Variants in MDGA2 observed in about 807,000 individuals in gnomAD.
The protein encoded by MDGA2 is MAM domain-containing glycosylphosphatidylinositol anchor protein 2.
MDGA2 carries 40 observed loss-of-function variants against 117.8 expected under a neutral mutation model. That is an observed-to-expected ratio of 0.34 (90% CI 0.26 to 0.44). MDGA2 has a LOEUF of 0.44. MDGA2 is among the 20% of genes least tolerant of loss of function. The pLI, the probability that MDGA2 is intolerant of heterozygous loss-of-function variation, is 1.00. For missense variants in MDGA2, 1,123 were observed against 1,250.6 expected (o/e 0.90, Z 1.54); for synonymous variants, 452 against 439.0 (o/e 1.03, Z -0.37).
rs573750047 is a variant in MDGA2, at chr14:47,665,894, C to A, written c.280+8623G>T. On this transcript the variant is annotated intron_variant, in intron 1 of 16. Coordinates refer to ENST00000399232, the MANE Select transcript of MDGA2 (RefSeq NM_001113498.3). ...TCAGCCTCCCTGAGGAGCGCGGCCC[C>A]CTGCTCCATGGTGCCCAGTCCCATC... Among the ~76,000 whole-genome samples, 39 of 149,332 alleles carry A rather than the reference C, an allele frequency of 2.6e-4. 1 individual carries two copies. The South Asian group carries it at 8.1e-3, about 31-fold the overall frequency.
At position 46,855,870 on chromosome 14, in the gene MDGA2, G is replaced by GT. The variant is rs1048482090; in HGVS notation, c.2753-717dup. Among the ~76,000 whole-genome samples, 11 of 151,900 alleles carry GT rather than the reference G, an allele frequency of 7.2e-5. No homozygotes were observed. Among genetic ancestry groups the GT allele is most frequent in the African/African-American group, 2.7e-4 (11 of 41,376 alleles). On this transcript the variant is annotated intron_variant, in intron 14 of 16. Coordinates refer to ENST00000399232, the MANE Select transcript of MDGA2 (RefSeq NM_001113498.3). The surrounding 1 kb of genome is among the most constrained non-coding windows in gnomAD (Gnocchi z 4.1). ...TATCATTTAGCATCTTATTTTTTCAGTTTGATTTTTACCTGTCTCATTTTT... is the reference window on the plus strand; with the variant it reads ...TATCATTTAGCATCTTATTTTTTCAGTTTTGATTTTTACCTGTCTCATTTTT...
At chr14:46,925,644 A>G (rs1293689788) in intron 9 of MDGA2, among the ~76,000 whole-genome samples, 1 of 151,458 alleles carries the variant, frequency 6.6e-6, no homozygotes, top group Non-Finnish European at 1.5e-5. Context: ...AAAAAAAAAA[A>G]AAAAAAAAGG....
At chr14:47,343,419 T>C (rs184034565) in intron 1 of MDGA2, among the ~76,000 whole-genome samples, 1 of 152,300 alleles carries the variant, frequency 6.6e-6, no homozygotes, top group Admixed American at 6.5e-5. Context: ...TTGTGTTCTT[T>C]GTATCATGTC....
intron 2 of MDGA2, among the ~76,000 whole-genome samples, chr14:47,265,741 T>C (rs1229308820): frequency 6.6e-6 from 1 of 152,100 alleles, no homozygotes; most frequent in East Asian, 1.9e-4. Flanking sequence ...AACTCCACTG[T>C]AAGGAGTGGT....
At chr14:47,246,532 G>C (rs532545453) in intron 2 of MDGA2, among the ~76,000 whole-genome samples, 3 of 151,684 alleles carry the variant, frequency 2.0e-5, no homozygotes, top group South Asian at 4.2e-4. Flanking sequence ...ACTACTGACA[G>C]GTATAGGAGG....
chr14:47,360,354 AAAATAAATAAATAAAT>A (rs60754618), intron 1 of MDGA2, among the ~76,000 whole-genome samples: 3,013 of 139,998 alleles, frequency 0.022, 100 homozygotes, highest in African/African-American at 0.074. Context: ...TCCATCTCAA[AAAATAAATAAATAAAT>A]AAATAAATAA....
At chr14:47,246,692 AT>A in intron 2 of MDGA2, among the ~76,000 whole-genome samples, 1 of 151,632 alleles carries the variant, frequency 6.6e-6, no homozygotes, top group East Asian at 1.9e-4. Flanking sequence ...TCCTCCCTTT[AT>A]TTTTTAAATA....
At chr14:47,562,116 G>T (rs1367564577) in intron 1 of MDGA2, among the ~76,000 whole-genome samples, 2 of 152,126 alleles carry the variant, frequency 1.3e-5, no homozygotes, top group East Asian at 3.9e-4. Flanking sequence ...ATGTGTTGCT[G>T]GATTCAGTTT....
intron 1 of MDGA2, among the ~76,000 whole-genome samples, chr14:47,488,931 T>C (rs1894113015): frequency 6.6e-6 from 1 of 152,008 alleles, no homozygotes; most frequent in South Asian, 2.1e-4. Context: ...AAGACAAAGT[T>C]ATGATCTGAT....
intron 8 of MDGA2, among the ~76,000 whole-genome samples, chr14:47,008,456 A>C (rs915936266): frequency 6.6e-6 from 1 of 151,926 alleles, no homozygotes; most frequent in Non-Finnish European, 1.5e-5. Context: ...TTGCTAAATA[A>C]GCTGCAATTT....
intron 1 of MDGA2, among the ~76,000 whole-genome samples, chr14:47,615,064 A>T (rs181327825): frequency 3.1e-4 from 47 of 152,166 alleles, no homozygotes; most frequent in Non-Finnish European, 4.0e-4. Flanking sequence ...TATTTAATTT[A>T]AAAAAATCCT....
At chr14:47,634,716 T>C (rs555424856) in intron 1 of MDGA2, among the ~76,000 whole-genome samples, 2 of 152,250 alleles carry the variant, frequency 1.3e-5, no homozygotes, top group South Asian at 2.1e-4. Context: ...TCTGACTTCA[T>C]GAGTTCTTGA....
At chr14:47,653,316 A>G (rs1308472584) in intron 1 of MDGA2, among the ~76,000 whole-genome samples, 2 of 152,122 alleles carry the variant, frequency 1.3e-5, no homozygotes, top group African/African-American at 2.4e-5. Context: ...GCTGAGATCT[A>G]TGGCTGAGAT....
chr14:47,137,370 G>A (rs1377898966), intron 4 of MDGA2, among the ~76,000 whole-genome samples: 1 of 152,112 alleles, frequency 6.6e-6, no homozygotes, highest in Non-Finnish European at 1.5e-5. Flanking sequence ...AATGTTGGAG[G>A]TAGGGCCTAA....
intron 2 of MDGA2, among the ~76,000 whole-genome samples, chr14:47,221,687 CAAA>C (rs36059038): frequency 1.6e-5 from 2 of 124,182 alleles, no homozygotes; most frequent in Non-Finnish European, 1.6e-5. Flanking sequence ...GACTCTATCT[CAAA>C]AAAAAAAAAA....
chr14:47,016,529 A>C (rs2138561584), intron 8 of MDGA2, among the ~76,000 whole-genome samples: 1 of 152,204 alleles, frequency 6.6e-6, no homozygotes, highest in Middle Eastern at 3.4e-3. Context: ...CACTTAAAAA[A>C]TAAATGCACT....
At chr14:46,927,903 C>T (rs897514519) in intron 9 of MDGA2, among the ~76,000 whole-genome samples, 3 of 152,154 alleles carry the variant, frequency 2.0e-5, no homozygotes, top group African/African-American at 4.8e-5. Flanking sequence ...CTTCAGCACT[C>T]AAGAGCTTCC....
At chr14:47,062,499 C>CT (rs5808374) in intron 6 of MDGA2, among the ~76,000 whole-genome samples, 3,268 of 145,608 alleles carry the variant, frequency 0.022, 100 homozygotes, top group African/African-American at 0.076. Context: ...ACAGATTTTT[C>CT]TTTTTTTTTT....
chr14:47,030,012 GA>G (rs1888604884), intron 8 of MDGA2, among the ~76,000 whole-genome samples: 1 of 151,738 alleles, frequency 6.6e-6, no homozygotes, highest in Admixed American at 6.6e-5. Flanking sequence ...ATTTTTAATA[GA>G]GTTGGGGTTT....
Sources: gnomAD v4.1 joint callset for allele counts (sites outside exome capture counted in the v4.1 genomes callset) on GRCh38, gnomAD v4.1.1 for gene constraint, Gnocchi (gnomAD v3.1) non-coding constraint, MANE v1.5 for transcripts, NCBI Gene and HGNC (gene_info 2026-07-23, HGNC 2026-07-21) for gene names.